The following AEBP2 variants were observed in gnomAD, a reference collection of about 807,000 sequenced individuals.
The protein encoded by AEBP2 is AE binding protein 2.
In AEBP2, 10 loss-of-function variants were observed where a neutral mutation model predicts 50.8. The ratio of observed to expected loss-of-function variants is 0.20; its 90% CI spans 0.12 to 0.33. The LOEUF is 0.33. AEBP2 is among the 10% of genes least tolerant of loss of function. The pLI is 1.00. For synonymous variants in AEBP2, 296 were observed against 261.3 expected (o/e 1.13, Z -1.28); for missense variants, 570 against 688.0 (o/e 0.83, Z 1.92).
At chr12:19,424,702 G>A (rs1254524869) in intron 1 of AEBP2, among the ~76,000 whole-genome samples, 10 of 151,904 alleles carry the variant, frequency 6.6e-5, no homozygotes. Context: ...GGCCTAAGAT[G>A]TCATTTTTTA....
At chr12:19,489,333 A>C (rs1948861218) in intron 3 of AEBP2, among the ~76,000 whole-genome samples, 1 of 152,128 alleles carries the variant, frequency 6.6e-6, no homozygotes, top group Non-Finnish European at 1.5e-5. Flanking sequence ...GAGAGAGTGC[A>C]GGGGAACCTG....
intron 5 of AEBP2, among the ~76,000 whole-genome samples, chr12:19,512,104 C>G (rs561379909): frequency 6.6e-6 from 1 of 151,986 alleles, no homozygotes; most frequent in African/African-American, 2.4e-5. Context: ...TCACTGCAAC[C>G]GCCACCTCCT....
Position 19,462,732 on chromosome 12 carries a change from T to C in AEBP2, c.879+15T>C. 1 of 1,570,778 alleles carries C rather than the reference T, an allele frequency of 6.4e-7. No individual in the cohort carries two copies. The highest frequency in any genetic ancestry group is 2.3e-5 in the East Asian group (1 of 44,232). On this transcript the variant is annotated intron_variant, in intron 2 of 7. Transcript: ENST00000266508. Reference sequence around the variant, plus strand: ...AGCGAGGAGGGGTTGGTTTTGTCATTTCTTTTTTTCGCTCCCTGTTTTCGT... The same window carrying C: ...AGCGAGGAGGGGTTGGTTTTGTCATCTCTTTTTTTCGCTCCCTGTTTTCGT...
intron 2 of AEBP2, 39 bp downstream of exon 2, chr12:19,462,756 G>A (rs772835264): frequency 3.3e-6 from 5 of 1,537,894 alleles, no homozygotes; most frequent in African/African-American, 1.4e-5. Context: ...CCCTGTTTTC[G>A]TTAGTTTTAT....
intron 1 of AEBP2, among the ~76,000 whole-genome samples, chr12:19,453,836 C>G (rs1187741110): frequency 6.6e-6 from 1 of 151,678 alleles, no homozygotes; most frequent in Admixed American, 6.6e-5. Flanking sequence ...CTCTGTCACC[C>G]GGGCTGGAGT....
intron 1 of AEBP2, among the ~76,000 whole-genome samples, chr12:19,426,234 C>T (rs1234731591): frequency 6.6e-6 from 1 of 152,118 alleles, no homozygotes; most frequent in Non-Finnish European, 1.5e-5. Flanking sequence ...CGCAGCCGAC[C>T]CTATGTTGGG....
chr12:19,469,285 C>T (rs909383840), intron 2 of AEBP2, among the ~76,000 whole-genome samples: 2 of 152,046 alleles, frequency 1.3e-5, no homozygotes, highest in African/African-American at 4.8e-5. Context: ...GACATTCTGG[C>T]AGGAAAACCT....
chr12:19,490,293 C>G (rs1230929632), intron 3 of AEBP2, among the ~76,000 whole-genome samples: 1 of 152,090 alleles, frequency 6.6e-6, no homozygotes, highest in Non-Finnish European at 1.5e-5. Context: ...TAGAAGTTAC[C>G]TATATCTAAT....
At chr12:19,447,476 C>T (rs373549462) in intron 1 of AEBP2, among the ~76,000 whole-genome samples, 3 of 152,108 alleles carry the variant, frequency 2.0e-5, no homozygotes, top group South Asian at 4.1e-4. Flanking sequence ...TTTCTGAATA[C>T]GTTTTCTTGA....
chr12:19,408,708 T>A (rs567480285), intron 1 of AEBP2, among the ~76,000 whole-genome samples: 8 of 152,028 alleles, frequency 5.3e-5, no homozygotes, highest in African/African-American at 1.9e-4. Flanking sequence ...AAGAGCAGCC[T>A]AACCAACGTG....
At chr12:19,457,835 C>T (rs1948297930) in intron 1 of AEBP2, among the ~76,000 whole-genome samples, 1 of 152,208 alleles carries the variant, frequency 6.6e-6, no homozygotes, top group Admixed American at 6.5e-5. Flanking sequence ...GAATCAGAAT[C>T]TGCAGTTAAT....
chr12:19,439,900 C>T lies in AEBP2; in HGVS notation c.201C>T (p.Gly67=), dbSNP rs1452628194. The T allele has an allele frequency of 1.4e-6, 2 of 1,478,550 alleles. No homozygotes were observed. The highest frequency in any genetic ancestry group is 1.3e-5 in the South Asian group (1 of 76,320). The allele number at this position is 1,478,550 out of a possible 1,614,324, so 91.6% of individuals were successfully genotyped here. Residue 67 remains glycine (G), a synonymous_variant, in exon 1 of 8, where the codon GGC becomes GGT. Transcript: ENST00000266508. The stretch of plus-strand genomic sequence containing the variant: ...TGAACGGCGGCAGCGGTGGGGGCGG[C>T]GGAGGCGGCGGCGGAGGAGTGGGGG... The part of the protein sequence containing the change: ...LLLNGGSGGG[G]GGGGGGVGGG...
intron 1 of AEBP2, among the ~76,000 whole-genome samples, chr12:19,452,857 T>C (rs1243074100): frequency 6.6e-6 from 1 of 152,184 alleles, no homozygotes; most frequent in Non-Finnish European, 1.5e-5. Flanking sequence ...AGCTGAATGA[T>C]AGTTTACCTG....
chr12:19,479,717 G>GTTTTTTTTTT (rs369410408), intron 3 of AEBP2, among the ~76,000 whole-genome samples: 2 of 22,344 alleles, frequency 9.0e-5, no homozygotes, highest in African/African-American at 3.2e-4. Context: ...CTCTTTGTGG[G>GTTTTTTTTTT]TTTTTTTTTT....
At chr12:19,409,195 A>G (rs2095737946) in intron 1 of AEBP2, among the ~76,000 whole-genome samples, 1 of 152,190 alleles carries the variant, frequency 6.6e-6, no homozygotes, top group Non-Finnish European at 1.5e-5. Flanking sequence ...TTTTTCCTGC[A>G]TCATTTAATC....
At chr12:19,456,886 A>G (rs950757055) in intron 1 of AEBP2, 4 of 1,472,502 alleles carry the variant, frequency 2.7e-6, no homozygotes, top group Non-Finnish European at 3.8e-6. Context: ...GACATCCTGG[A>G]GAGGCAGGCA....
chr12:19,462,461 A>G (rs1293870574), intron 1 of AEBP2, 49 bp from the exon 2 acceptor site: 1 of 1,421,182 alleles, frequency 7.0e-7, no homozygotes, highest in Non-Finnish European at 9.7e-7. Flanking sequence ...GATCATATTC[A>G]TGTTAGTGAA....
At chr12:19,509,068 G>A (rs575452681) in intron 5 of AEBP2, 3 of 586,522 alleles carry the variant, frequency 5.1e-6, no homozygotes. Context: ...GACATGGAGG[G>A]GTTCGTGCTG....
intron 1 of AEBP2, among the ~76,000 whole-genome samples, chr12:19,449,220 C>T (rs1402904555): frequency 6.6e-6 from 1 of 152,054 alleles, no homozygotes; most frequent in South Asian, 2.1e-4. Context: ...CCTTCAGATG[C>T]AATTGCTTCT....
Sources: gnomAD v4.1 joint callset for allele counts (sites outside exome capture counted in the v4.1 genomes callset) on GRCh38, gnomAD v4.1.1 for gene constraint, MANE v1.5 for transcripts, NCBI Gene and HGNC (gene_info 2026-07-23, HGNC 2026-07-21) for gene names.